Variants in SDK1 observed in about 807,000 individuals in gnomAD.
The protein encoded by SDK1 is sidekick cell adhesion molecule 1.
In SDK1, 157 loss-of-function variants were observed where a neutral mutation model predicts 245.5. The ratio of observed to expected loss-of-function variants is 0.64; its 90% CI spans 0.56 to 0.73. The LOEUF is 0.73. Ranked by LOEUF, SDK1 falls within the 30% of genes least tolerant of loss-of-function variation. The pLI is 0.00. For missense variants in SDK1, 3,583 were observed against 3,002.3 expected (o/e 1.19, Z -4.52); for synonymous variants, 1,647 against 1,278.5 (o/e 1.29, Z -6.15).
At chr7:3,409,728 A>G (rs980492080) in intron 1 of SDK1, among the ~76,000 whole-genome samples, 16 of 151,990 alleles carry the variant, frequency 1.1e-4, no homozygotes, top group Admixed American at 3.9e-4. Flanking sequence ...ACCCAGAGAA[A>G]GAAGTTGAGA....
chr7:4,044,983 C>G (rs982792702), intron 17 of SDK1, among the ~76,000 whole-genome samples: 2 of 152,274 alleles, frequency 1.3e-5, no homozygotes, highest in African/African-American at 4.8e-5. Context: ...CTTCTTATAT[C>G]TTTGCCTATT....
chr7:3,725,589 C>T (rs1778983364), intron 4 of SDK1, among the ~76,000 whole-genome samples: 1 of 152,152 alleles, frequency 6.6e-6, no homozygotes, highest in East Asian at 1.9e-4. Context: ...TGGCGCTCTA[C>T]TTTTTAATAT....
chr7:3,492,263 A>G (rs2177169), intron 1 of SDK1, among the ~76,000 whole-genome samples: 55,374 of 152,062 alleles, frequency 0.36, 10,434 homozygotes, highest in African/African-American at 0.46. Context: ...TTAGAGTAAT[A>G]TCTTTAAGAA....
At chr7:3,727,347 T>C (rs887931025) in intron 4 of SDK1, among the ~76,000 whole-genome samples, 1 of 152,192 alleles carries the variant, frequency 6.6e-6, no homozygotes, top group African/African-American at 2.4e-5. Context: ...TTCATTCCAT[T>C]GCTCTGTATT....
chr7:3,588,569 T>G (rs1780761895), intron 1 of SDK1, among the ~76,000 whole-genome samples: 1 of 152,180 alleles, frequency 6.6e-6, no homozygotes, highest in South Asian at 2.1e-4. Flanking sequence ...CGTTCCTAGA[T>G]TCATTGTTGA....
In SDK1 at chr7:3,969,393, C is replaced by A; in HGVS notation, c.1683C>A (p.Ser561=). Reference sequence around the variant, plus strand: ...GCTATGCGGCCAACACAGAGGGCTCCCTGAATGCATCGGCCACGCTCACTG... The same window carrying A: ...GCTATGCGGCCAACACAGAGGGCTCACTGAATGCATCGGCCACGCTCACTG... The part of the protein sequence containing the change: ...YTCYAANTEG[S]LNASATLTVW... Residue 561 remains serine, a synonymous_variant, in exon 11 of 45, where the codon TCC becomes TCA. Coordinates refer to ENST00000404826, the MANE Select transcript of SDK1 (RefSeq NM_152744.4). 6.2e-7 allele frequency: 1 copy of A among 1,605,686 alleles called. No homozygotes were observed. Among genetic ancestry groups the A allele is most frequent in the African/African-American group, 1.3e-5 (1 of 74,848 alleles).
At chr7:3,894,759 T>C (rs1173534670) in intron 5 of SDK1, among the ~76,000 whole-genome samples, 1 of 151,046 alleles carries the variant, frequency 6.6e-6, no homozygotes, top group Non-Finnish European at 1.5e-5. Flanking sequence ...AGTGCAGTGA[T>C]GCAATCTCGG....
At chr7:3,845,980 T>C (rs927247409) in intron 5 of SDK1, among the ~76,000 whole-genome samples, 3 of 152,216 alleles carry the variant, frequency 2.0e-5, no homozygotes, top group African/African-American at 7.2e-5. Flanking sequence ...TTAGACCGTA[T>C]TCCCAATTAT....
chr7:3,886,367 T>G (rs10263496), intron 5 of SDK1, among the ~76,000 whole-genome samples: 52,857 of 152,178 alleles, frequency 0.35, 11,883 homozygotes, highest in African/African-American at 0.64. Flanking sequence ...TGTACGGCTG[T>G]AGAGGACACA....
chr7:3,397,104 T>C (rs1386945784), intron 1 of SDK1, among the ~76,000 whole-genome samples: 1 of 151,940 alleles, frequency 6.6e-6, no homozygotes, highest in Non-Finnish European at 1.5e-5. Context: ...ATTTCAAACA[T>C]ACACAGAATT....
chr7:3,720,148 C>T (rs534175713), intron 4 of SDK1, among the ~76,000 whole-genome samples: 3 of 151,972 alleles, frequency 2.0e-5, no homozygotes, highest in South Asian at 4.2e-4. Flanking sequence ...ACCAGCCACT[C>T]GGGAGGCTGA....
chr7:3,973,302 A>G (rs773175118), intron 12 of SDK1, among the ~76,000 whole-genome samples: 5 of 152,206 alleles, frequency 3.3e-5, no homozygotes, highest in Non-Finnish European at 5.9e-5. Flanking sequence ...GTCTGTGCTT[A>G]TGACTATGAA....
chr7:3,307,258 A>T (rs549825707), intron 1 of SDK1, among the ~76,000 whole-genome samples: 2 of 152,226 alleles, frequency 1.3e-5, no homozygotes, highest in East Asian at 3.9e-4. Flanking sequence ...AAGGGCATAA[A>T]CGTTCGTAGC....
chr7:3,661,590 C>A (rs187925774), intron 4 of SDK1, among the ~76,000 whole-genome samples: 1 of 152,136 alleles, frequency 6.6e-6, no homozygotes, highest in African/African-American at 2.4e-5. Flanking sequence ...TGAAAAGCAT[C>A]TACTGATTAA....
At chr7:3,958,060 T>C (rs779621349) in intron 7 of SDK1, 1 of 469,404 alleles carries the variant, frequency 2.1e-6, no homozygotes, top group African/African-American at 2.0e-5. Context: ...GTTTTAAAGA[T>C]ACAGTCAATA....
chr7:4,142,037 G>A (rs1315922633), intron 28 of SDK1, among the ~76,000 whole-genome samples: 2 of 152,066 alleles, frequency 1.3e-5, no homozygotes, highest in Non-Finnish European at 2.9e-5. Context: ...TCATAGGTGT[G>A]AGCCACTGCG....
intron 1 of SDK1, among the ~76,000 whole-genome samples, chr7:3,377,693 C>T (rs566988495): frequency 6.6e-6 from 1 of 152,236 alleles, no homozygotes; most frequent in East Asian, 1.9e-4. Context: ...TCCTTTTTCA[C>T]TGCCACACAC....
intron 1 of SDK1, among the ~76,000 whole-genome samples, chr7:3,551,113 C>T (rs1245486401): frequency 6.6e-6 from 1 of 152,022 alleles, no homozygotes; most frequent in African/African-American, 2.4e-5. Context: ...AAACATTTTT[C>T]GTTTTTGTTC....
At chr7:3,584,178 G>A (rs1562581335) in intron 1 of SDK1, among the ~76,000 whole-genome samples, 1 of 152,202 alleles carries the variant, frequency 6.6e-6, no homozygotes, top group African/African-American at 2.4e-5. Context: ...ATAAACAGGT[G>A]CTTGCTGTAA....
Sources: allele counts gnomAD v4.1 joint callset (sites outside exome capture counted in the v4.1 genomes callset), GRCh38; gene constraint gnomAD v4.1.1; transcripts MANE v1.5; gene names NCBI Gene and HGNC (gene_info 2026-07-23, HGNC 2026-07-21).